RNF170: variants seen among roughly 807,000 people sequenced by gnomAD.
RNF170 encodes the protein E3 ubiquitin-protein ligase RNF170.
RNF170 carries 12 observed loss-of-function variants against 32.7 expected under a neutral mutation model. The ratio of observed to expected loss-of-function variants is 0.37; its 90% CI spans 0.24 to 0.60. The LOEUF (loss-of-function observed/expected upper bound fraction) is 0.60. RNF170 is among the 20% of genes least tolerant of loss of function. The pLI, the probability that RNF170 is intolerant of heterozygous loss-of-function variation, is 0.72. For synonymous variants in RNF170, 91 were observed against 103.6 expected (o/e 0.88, Z 0.74); for missense variants, 212 against 311.2 (o/e 0.68, Z 2.40).
chr8:42,889,805 C>T (rs1007183851), intron 1 of RNF170, among the ~76,000 whole-genome samples: 2 of 152,134 alleles, frequency 1.3e-5, no homozygotes, highest in African/African-American at 2.4e-5. Flanking sequence ...AACTGAAGAG[C>T]CTCAAATAAG....
chr8:42,886,950 T>TTA (rs891049164), intron 2 of RNF170, among the ~76,000 whole-genome samples: 25 of 151,706 alleles, frequency 1.6e-4, no homozygotes, highest in African/African-American at 5.6e-4. Context: ...GGTCAGGAGT[T>TTA]TGAGACCAGC....
chr8:42,895,441 T>TG (rs1389185852), intron 1 of RNF170, among the ~76,000 whole-genome samples: 3 of 152,138 alleles, frequency 2.0e-5, no homozygotes, highest in Non-Finnish European at 4.4e-5. Context: ...AAGTGTGTCT[T>TG]GGGAAGTTAG....
rs1221817204 is a variant in RNF170, at chr8:42,896,549, G to C, written c.-73C>G. The C allele has an allele frequency of 2.2e-6, 1 of 453,724 alleles. No homozygotes were observed. The highest frequency in any genetic ancestry group is 2.0e-5 in the African/African-American group (1 of 49,968). 28.1% of individuals were successfully genotyped at this position (453,724 alleles called of 1,614,324 possible). On this transcript the variant is annotated 5_prime_UTR_variant, in exon 1 of 7. Coordinates refer to ENST00000527424, the MANE Select transcript of RNF170 (RefSeq NM_030954.4). ...CAGAGGACAGATTATTTCCAGGACC[G>C]CTCCCGCCACCCCTCCCGGGCAACC...
intron 2 of RNF170, among the ~76,000 whole-genome samples, chr8:42,880,163 G>A (rs1805276739): frequency 6.6e-6 from 1 of 152,194 alleles, no homozygotes; most frequent in African/African-American, 2.4e-5. Flanking sequence ...TGACCAAACT[G>A]CTGCATCATG....
At chr8:42,892,452 A>G (rs1273471240) in intron 1 of RNF170, among the ~76,000 whole-genome samples, 3 of 152,338 alleles carry the variant, frequency 2.0e-5, no homozygotes, top group East Asian at 3.9e-4. Context: ...GGCGTGAGGT[A>G]GCACGCCCAG....
intron 6 of RNF170, 86 bp from the exon 7 acceptor site, chr8:42,856,514 ATTG>A (rs1412321056): frequency 2.1e-6 from 2 of 966,426 alleles, no homozygotes; most frequent in African/African-American, 1.7e-5. Context: ...ATATGTAAAC[ATTG>A]TTAAGATGAA....
intron 3 of RNF170, among the ~76,000 whole-genome samples, chr8:42,871,782 C>T (rs1255067142): frequency 6.6e-6 from 1 of 152,200 alleles, no homozygotes; most frequent in Middle Eastern, 3.2e-3. Context: ...TGGTCTTGAG[C>T]TCCTGACCTC....
upstream of RNF170, chr8:42,897,269 G>C: frequency 1.0e-6 from 1 of 999,000 alleles, no homozygotes. Context: ...CCCGTGGGGC[G>C]AGCGCTGCGG....
In RNF170 at chr8:42,881,672, T is replaced by C. The variant is rs1805416957; in HGVS notation, c.137+6056A>G. Among the ~76,000 whole-genome samples, 3 of 152,340 alleles carry C rather than the reference T, an allele frequency of 2.0e-5. No homozygotes were observed. The South Asian group carries it at 6.2e-4, about 32-fold the overall frequency. On this transcript the variant is annotated intron_variant, in intron 2 of 6. Transcript: ENST00000527424. Reference sequence around the variant, plus strand: ...TACTAGGGCCAGGAGCAGTGGCTCATGCCTGTAACTTCCGCACTTTGGGAG... The same window carrying C: ...TACTAGGGCCAGGAGCAGTGGCTCACGCCTGTAACTTCCGCACTTTGGGAG...
chr8:42,869,542 C>CT (rs1173140648), intron 4 of RNF170, among the ~76,000 whole-genome samples: 1 of 152,170 alleles, frequency 6.6e-6, no homozygotes, highest in Non-Finnish European at 1.5e-5. Context: ...ACCTTTAAGA[C>CT]TTTTAGTACA....
intron 2 of RNF170, among the ~76,000 whole-genome samples, chr8:42,885,873 C>T (rs1805775486): frequency 1.3e-5 from 2 of 152,076 alleles, no homozygotes; most frequent in Admixed American, 1.3e-4. Flanking sequence ...ATCTTGCCAT[C>T]TCAGCCTCCA....
At chr8:42,871,073 G>A (rs1244602490) in intron 3 of RNF170, among the ~76,000 whole-genome samples, 1 of 152,048 alleles carries the variant, frequency 6.6e-6, no homozygotes, top group African/African-American at 2.4e-5. Flanking sequence ...AGCTGGGCAT[G>A]GTGGCGCACA....
rs1803019897 is a variant in RNF170 at position 42,853,607 on chromosome 8, T to G, written c.*2552A>C. The G allele has an allele frequency of 7.8e-7, 1 of 1,283,786 alleles. No homozygotes were observed. The highest frequency in any genetic ancestry group is 5.6e-5 in the East Asian group (1 of 18,008). The allele number at this position is 1,283,786 out of a possible 1,614,324, so 79.5% of individuals were successfully genotyped here. A position where few individuals can be genotyped will look rare whatever the true frequency, so the allele number is the denominator to read the frequency against. ...ATCTGTTTTATGACAGTTATGATAT[T>G]GTTGTTTAAAAAAAATCCAAATTGT... On this transcript the variant is annotated 3_prime_UTR_variant, in exon 7 of 7. Transcript: ENST00000527424.
At chr8:42,892,342 T>A (rs1231084381) in intron 1 of RNF170, among the ~76,000 whole-genome samples, 1 of 152,150 alleles carries the variant, frequency 6.6e-6, no homozygotes, top group Non-Finnish European at 1.5e-5. Context: ...AATGTTTTAT[T>A]TTTTGTAGAG....
Position 42,853,800 on chromosome 8 carries a change from A to G in RNF170, c.*2359T>C. On this transcript the variant is annotated 3_prime_UTR_variant, in exon 7 of 7. Transcript: ENST00000527424. ...GTCTAAAGTTCTGAGATGTTAGCAC[A>G]TACCCTTTTCACAATTTAGGAAGCT... 3.9e-6 allele frequency: 5 copies of G among 1,287,222 alleles called. No individual in the cohort carries two copies. Among genetic ancestry groups the G allele is most frequent in the Non-Finnish European group, 5.1e-6 (5 of 988,682 alleles). The allele number at this position is 1,287,222 out of a possible 1,614,324, so 79.7% of individuals were successfully genotyped here.
At chr8:42,886,553 G>A (rs757985344) in intron 2 of RNF170, among the ~76,000 whole-genome samples, 1 of 152,164 alleles carries the variant, frequency 6.6e-6, no homozygotes. Flanking sequence ...AGCCGCCCAA[G>A]TAGCTGGGAT....
intron 2 of RNF170, among the ~76,000 whole-genome samples, chr8:42,880,113 A>T (rs1355744197): frequency 6.6e-6 from 1 of 152,246 alleles, no homozygotes; most frequent in African/African-American, 2.4e-5. Flanking sequence ...TATGGTGGAA[A>T]CAGCAAGGAA....
chr8:42,891,733 T>C (rs559267953), intron 1 of RNF170, among the ~76,000 whole-genome samples: 1 of 152,310 alleles, frequency 6.6e-6, no homozygotes, highest in South Asian at 2.1e-4. Context: ...TTTGACCTTT[T>C]AAATTATTTT....
upstream of RNF170, chr8:42,896,715 C>G (rs1191997145): frequency 5.0e-6 from 1 of 200,852 alleles, no homozygotes; most frequent in South Asian, 5.2e-5. Context: ...CCTCGACACG[C>G]AGCGAACTGG....
Sources: allele counts gnomAD v4.1 joint callset (sites outside exome capture counted in the v4.1 genomes callset), GRCh38; gene constraint gnomAD v4.1.1; transcripts MANE v1.5; gene names NCBI Gene and HGNC (gene_info 2026-07-23, HGNC 2026-07-21).